Variants in MYOM2 observed in about 807,000 individuals in gnomAD.
The protein encoded by MYOM2 is myomesin 2.
Under a neutral mutation model 187.6 loss-of-function variants are expected in MYOM2, and 254 were observed. That is an observed-to-expected ratio of 1.35 (90% CI 1.22 to 1.50). MYOM2 has a LOEUF of 1.50. Ranked by LOEUF, MYOM2 falls within the 40% of genes most tolerant of loss-of-function variation. The pLI, the probability that MYOM2 is intolerant of heterozygous loss-of-function variation, is 0.00. For missense variants in MYOM2, 2,796 were observed against 1,924.0 expected (o/e 1.45, Z -8.48); for synonymous variants, 981 against 753.8 (o/e 1.30, Z -4.94).
intron 25 of MYOM2, among the ~76,000 whole-genome samples, chr8:2,111,648 T>A (rs1797071404): frequency 6.6e-6 from 1 of 152,232 alleles, no homozygotes; most frequent in South Asian, 2.1e-4. Context: ...GTGTATCCAC[T>A]GGAATCTCAG....
intron 18 of MYOM2, among the ~76,000 whole-genome samples, chr8:2,098,486 C>A (rs1322023325): frequency 6.6e-6 from 1 of 152,200 alleles, no homozygotes; most frequent in Non-Finnish European, 1.5e-5. Context: ...AGTGCGTGGC[C>A]TGAGTGCCTG....
At chr8:2,100,728 A>G (rs3779839) in intron 19 of MYOM2, 148 bp from the exon 20 acceptor site, 482,308 of 734,936 alleles carry the variant, frequency 0.66, 160,154 homozygotes, top group Middle Eastern at 0.72. Flanking sequence ...TCTGCAAGAG[A>G]GGCTGATAAA....
At chr8:2,063,357 A>T (rs1474001678) in intron 6 of MYOM2, among the ~76,000 whole-genome samples, 4 of 152,304 alleles carry the variant, frequency 2.6e-5, no homozygotes, top group Non-Finnish European at 5.9e-5. Flanking sequence ...TTCCTTGGCC[A>T]CGGTAGCTGG....
In MYOM2 at chr8:2,072,476, C is replaced by T. The variant is rs564805058; in HGVS notation, c.925C>T (p.Arg309Trp). ...CTMLVTPDLK[R>W]VQPRAEWYRD... Reference sequence around the variant, plus strand: ...CATGCTGGTGACGCCGGACCTGAAGCGGGTGCAGCCGCGCGCCGAGTGGTA... The same window carrying T: ...CATGCTGGTGACGCCGGACCTGAAGTGGGTGCAGCCGCGCGCCGAGTGGTA... The change falls in exon 9 of 37, where the codon CGG becomes TGG. Residue 309 changes from arginine to tryptophan, a missense_variant. Coordinates refer to ENST00000262113, the MANE Select transcript of MYOM2 (RefSeq NM_003970.4). 52 of 1,613,736 alleles carry T rather than the reference C, an allele frequency of 3.2e-5. No individual in the cohort carries two copies. The highest frequency in any genetic ancestry group is 4.1e-5 in the Non-Finnish European group (48 of 1,180,028).
chr8:2,123,644 T>A lies in MYOM2; in HGVS notation c.3655+2T>A, dbSNP rs1443029470. On this transcript the variant is annotated splice_donor_variant, in intron 30 of 36. Transcript: ENST00000262113. LOFTEE classifies it high-confidence loss of function. Reference sequence around the variant, plus strand: ...CCATCCTTGAAATAGCTGGCAAAGGTAAAAGAAAACCTCCTTTGTTCTGTG... The same window carrying A: ...CCATCCTTGAAATAGCTGGCAAAGGAAAAAGAAAACCTCCTTTGTTCTGTG... The A allele has an allele frequency of 6.2e-7, 1 of 1,613,286 alleles. No individual in the cohort carries two copies. Among genetic ancestry groups the A allele is most frequent in the Non-Finnish European group, 8.5e-7 (1 of 1,179,382 alleles).
Position 2,106,472 on chromosome 8 carries a change from T to C in MYOM2, c.2892-19T>C. The C allele has an allele frequency of 5.0e-6, 8 of 1,610,536 alleles. No homozygotes were observed. The highest frequency in any genetic ancestry group is 6.8e-6 in the Non-Finnish European group (8 of 1,176,906). On this transcript the variant is annotated intron_variant, in intron 22 of 36. Transcript: ENST00000262113. ...CAAACAGAAATGATCGACATTCACC[T>C]ACTCTTCTTCCTTTTTAGCTCCAAG... is the stretch of plus-strand genomic sequence containing the variant.
intron 32 of MYOM2, among the ~76,000 whole-genome samples, chr8:2,133,850 C>T (rs1329963788): frequency 6.6e-6 from 1 of 152,026 alleles, no homozygotes; most frequent in Non-Finnish European, 1.5e-5. Flanking sequence ...TATTCAGTTA[C>T]AAATTTATAA....
chr8:2,137,147 G>A (rs1170968660), intron 32 of MYOM2, among the ~76,000 whole-genome samples: 1 of 150,956 alleles, frequency 6.6e-6, no homozygotes, highest in Non-Finnish European at 1.5e-5. Context: ...AATAGTTTTG[G>A]CACATAATTT....
chr8:2,106,114 C>A, intron 21 of MYOM2, 128 bp from the exon 22 acceptor site: 2 of 938,300 alleles, frequency 2.1e-6, no homozygotes, highest in Non-Finnish European at 3.2e-6. Context: ...TCCCTCTACA[C>A]TTGGGGATTA....
chr8:2,084,343 C>T (rs1249159683), intron 13 of MYOM2, among the ~76,000 whole-genome samples: 1 of 152,204 alleles, frequency 6.6e-6, no homozygotes, highest in South Asian at 2.1e-4. Flanking sequence ...GAAACGAAAC[C>T]CAGTCTTGCT....
chr8:2,119,376 A>G (rs1797350108), intron 28 of MYOM2: 1 of 152,370 alleles, frequency 6.6e-6, no homozygotes, highest in Non-Finnish European at 1.5e-5. Flanking sequence ...AAACCCTCAG[A>G]GAGTTCAGAG....
chr8:2,074,698 G>GC (rs1485218863), intron 10 of MYOM2, among the ~76,000 whole-genome samples: 68 of 152,116 alleles, frequency 4.5e-4, no homozygotes, highest in Middle Eastern at 3.4e-3. Context: ...TAAGTGATTG[G>GC]CCCCCCAACT....
Position 2,140,827 on chromosome 8 carries a change from C to T in MYOM2, c.3905C>T (p.Thr1302Ile), listed in dbSNP as rs1563085399. 1 of 1,614,078 alleles carries T rather than the reference C, an allele frequency of 6.2e-7. No homozygotes were observed. The highest frequency in any genetic ancestry group is 8.5e-7 in the Non-Finnish European group (1 of 1,179,958). Residue 1302 changes from threonine to isoleucine, a missense_variant, in exon 33 of 37, where the codon ACT (threonine) becomes ATT (isoleucine). By Grantham distance (89) the Thr-to-Ile change is moderately conservative (BLOSUM62 -1). Coordinates refer to ENST00000262113, the MANE Select transcript of MYOM2 (RefSeq NM_003970.4). The stretch of plus-strand genomic sequence containing the variant: ...ACTGAGAAGGATAAAGGAAAATACA[C>T]TTTTGAGATTTTCGATGGCAAAGAC... Reference protein sequence around the residue: ...EPTEKDKGKYTFEIFDGKDNH... With the variant: ...EPTEKDKGKYIFEIFDGKDNH...
intron 12 of MYOM2, 116 bp downstream of exon 12, chr8:2,079,049 C>CA (rs1283070859): frequency 4.2e-6 from 4 of 943,744 alleles, no homozygotes; most frequent in Non-Finnish European, 6.6e-6. Flanking sequence ...GCCCTGTGTG[C>CA]AGAGCATAGC....
At chr8:2,084,818 A>T (rs1038042142) in intron 13 of MYOM2, among the ~76,000 whole-genome samples, 1 of 152,204 alleles carries the variant, frequency 6.6e-6, no homozygotes, top group African/African-American at 2.4e-5. Flanking sequence ...CTGAGGGCAC[A>T]CGGTATAAAG....
At chr8:2,102,888 A>G in intron 21 of MYOM2, 107 bp downstream of exon 21, 2 of 847,116 alleles carry the variant, frequency 2.4e-6, no homozygotes, top group South Asian at 3.2e-5. Context: ...TGGGAGAGTG[A>G]ACACGTGTTA....
intron 9 of MYOM2, among the ~76,000 whole-genome samples, 183 bp from the exon 10 acceptor site, chr8:2,073,156 C>G (rs1179485015): frequency 6.6e-6 from 1 of 152,216 alleles, no homozygotes; most frequent in Non-Finnish European, 1.5e-5. Flanking sequence ...TGTGGGTGCT[C>G]AGTTCACGCG....
In MYOM2 at chr8:2,045,423, C is replaced by A. The variant is rs1468405528; in HGVS notation, c.-13+255C>A. Among the ~76,000 whole-genome samples, 3 of 152,148 alleles carry A rather than the reference C, an allele frequency of 2.0e-5. No homozygotes were observed. In the East Asian group the frequency reaches 5.8e-4, roughly 29 times the overall value. On this transcript the variant is annotated intron_variant, in intron 1 of 36. Coordinates refer to ENST00000262113, the MANE Select transcript of MYOM2 (RefSeq NM_003970.4). ...GTCTTTGCTAAGTGCCGTTTAGCAC[C>A]CTGCGGCGTGTGCTTTGGGTTTTAG... is the stretch of plus-strand genomic sequence containing the variant.
At chr8:2,124,103 T>C (rs747516660) in intron 30 of MYOM2, 76 bp from the exon 31 acceptor site, 1 of 1,398,258 alleles carries the variant, frequency 7.2e-7, no homozygotes. Flanking sequence ...CCTGCATCGA[T>C]TTAATTAAAC....
Sources: allele counts gnomAD v4.1 joint callset (sites outside exome capture counted in the v4.1 genomes callset), GRCh38; gene constraint gnomAD v4.1.1; transcripts MANE v1.5; gene names NCBI Gene and HGNC (gene_info 2026-07-23, HGNC 2026-07-21).